OR5W2: variants seen among roughly 807,000 people sequenced by gnomAD.
OR5W2 encodes the protein olfactory receptor family 5 subfamily W member 2.
For missense variants in OR5W2, 444 were observed against 357.1 expected, an observed-to-expected ratio of 1.24 and a Z score of -1.96; for synonymous variants, 164 against 138.2, an observed-to-expected ratio of 1.19 and a Z score of -1.31.
At position 55,914,486 on chromosome 11, in the gene OR5W2, C is replaced by A. The variant is rs759653907; in HGVS notation, c.97G>T (p.Ala33Ser). 1.2e-6 allele frequency: 2 copies of A among 1,612,964 alleles called. No homozygotes were observed. ...MKVTLFAVFL[A>S]VYIINFSANL... ...GCTGAGAAATTAATGATATAAACAG[C>A]CAAGAATACAGCAAATAGGGTCACT... is the stretch of plus-strand genomic sequence containing the variant. Residue 33 changes from alanine to serine, a missense_variant, in exon 1 of 1, where the codon GCT (alanine) becomes TCT (serine). Physicochemically the swap from Ala to Ser is moderately conservative, Grantham distance 99. Coordinates refer to ENST00000344514, the MANE Select transcript of OR5W2 (RefSeq NM_001001960.1).
chr11:55,913,728 CA>C lies in OR5W2; in HGVS notation c.854del (p.Leu285Ter). 1.2e-6 allele frequency: 2 copies of C among 1,613,904 alleles called. No individual in the cohort carries two copies. The highest frequency in any genetic ancestry group is 1.7e-6 in the Non-Finnish European group (2 of 1,179,906). On this transcript the variant is annotated frameshift_variant, in exon 1 of 1. Coordinates refer to ENST00000344514, the MANE Select transcript of OR5W2 (RefSeq NM_001001960.1). LOFTEE classifies it low-confidence loss of function (END_TRUNC). The stretch of plus-strand genomic sequence containing the variant: ...TCCTCAGGCTATAAATCAGGGGGTT[CA>C]ACATGGGAACCACAAGGGTGTAAAA... ...SLFYTLVVPMLNPLIYSLRNK... is the reference protein window; with the variant it reads ...SLFYTLVVPMXNPLIYSLRNK...
Position 55,913,801 on chromosome 11 carries a change from C to A in OR5W2, c.782G>T (p.Arg261Leu), listed in dbSNP as rs202102548. Residue 261 changes from arginine to leucine, a missense_variant, in exon 1 of 1, where the codon CGG (arginine) becomes CTG (leucine). By Grantham distance (102) the Arg-to-Leu change is moderately radical (BLOSUM62 -2). Transcript: ENST00000344514. ...FQGTLLFMYFRPSSSYSLDQD... is the reference protein window; with the variant it reads ...FQGTLLFMYFLPSSSYSLDQD... ...ATCTAGAGAATAGGAAGAACTTGGC[C>A]GGAAATACATAAAGAGCAGAGTTCC... is the stretch of plus-strand genomic sequence containing the variant. The A allele has an allele frequency of 1.2e-6, 2 of 1,613,832 alleles. No individual in the cohort carries two copies. The highest frequency in any genetic ancestry group is 2.2e-5 in the South Asian group (2 of 91,068).
chr11:55,914,003 C>G lies in OR5W2; in HGVS notation c.580G>C (p.Val194Leu). The change falls in exon 1 of 1, where the codon GTC becomes CTC. Residue 194 changes from valine to leucine, a missense_variant. By Grantham distance (32) the Val-to-Leu change is conservative. Transcript: ENST00000344514. ...LLLLSRSDTQ[V>L]NELVLFTVFG... is the part of the protein sequence containing the mutation. ...ACGGTGAATAACACTAACTCATTGA[C>G]CTGTGTATCTGAGCGAGAGAGTAAT... The G allele has an allele frequency of 6.2e-7, 1 of 1,613,098 alleles. No homozygotes were observed. The highest frequency in any genetic ancestry group is 8.5e-7 in the Non-Finnish European group (1 of 1,179,108).
Position 55,914,123 on chromosome 11 carries a change from C to A in OR5W2, c.460G>T (p.Ala154Ser), listed in dbSNP as rs771931164. 5 of 1,613,330 alleles carry A rather than the reference C, an allele frequency of 3.1e-6. No homozygotes were observed. The East Asian group carries it at 1.1e-4, about 36-fold the overall frequency. The change falls in exon 1 of 1, where the codon GCA (alanine) becomes TCA (serine). Residue 154 changes from alanine (A) to serine (S), a missense_variant. By Grantham distance (99) the Ala-to-Ser change is moderately conservative. Coordinates refer to ENST00000344514, the MANE Select transcript of OR5W2 (RefSeq NM_001001960.1). ...AGTGTCATATGTATCAAAGCATCTG[C>A]TATTCCCACCAGATAAACCCCAGTC... ...LLTGVYLVGIADALIHMTLAF... is the reference protein window; with the variant it reads ...LLTGVYLVGISDALIHMTLAF...
In OR5W2 at chr11:55,914,335, A is replaced by G. The variant is rs1404979788; in HGVS notation, c.248T>C (p.Val83Ala). Residue 83 changes from valine (V) to alanine (A), a missense_variant, in exon 1 of 1, where the codon GTA becomes GCA. By Grantham distance (64) the Val-to-Ala change is moderately conservative. Coordinates refer to ENST00000344514, the MANE Select transcript of OR5W2 (RefSeq NM_001001960.1). ...YSTATGPKMLVDLLAKNKSIP... is the reference protein window; with the variant it reads ...YSTATGPKMLADLLAKNKSIP... ...TGACTTGTTCTTGGCAAGTAGATCT[A>G]CCAGCATCTTGGGCCCAGTTGCAGT... 1 of 1,614,154 alleles carries G rather than the reference A, an allele frequency of 6.2e-7. No individual in the cohort carries two copies. The highest frequency in any genetic ancestry group is 1.7e-5 in the Admixed American group (1 of 60,026).
At position 55,913,917 on chromosome 11, in the gene OR5W2, G is replaced by C. The variant is rs1357794910; in HGVS notation, c.666C>G (p.Ile222Met). The change falls in exon 1 of 1, where the codon ATC (isoleucine) becomes ATG (methionine). Residue 222 changes from isoleucine (I) to methionine (M), a missense_variant. Transcript: ENST00000344514. ...SGVFISYCYIILSVLEIHSAE... is the reference protein window; with the variant it reads ...SGVFISYCYIMLSVLEIHSAE... ...CAGAGTGTATCTCCAAGACTGATAG[G>C]ATGATATAACAATAAGAAATGAAAA... The C allele has an allele frequency of 6.2e-7, 1 of 1,613,872 alleles. No individual in the cohort carries two copies. The highest frequency in any genetic ancestry group is 8.5e-7 in the Non-Finnish European group (1 of 1,179,818).
rs755394856 is a variant in OR5W2 at position 55,914,040 on chromosome 11, G to C, written c.543C>G (p.Ile181Met). 1.9e-6 allele frequency: 3 copies of C among 1,613,454 alleles called. No individual in the cohort carries two copies. The highest frequency in any genetic ancestry group is 2.5e-6 in the Non-Finnish European group (3 of 1,179,510). Reference protein sequence around the residue: ...SNEINHFFCDIPPLLLLSRSD... With the variant: ...SNEINHFFCDMPPLLLLSRSD... The stretch of plus-strand genomic sequence containing the variant: ...AGCGAGAGAGTAATAAGAGAGGAGG[G>C]ATATCACAGAAGAAATGATTAATCT... The change falls in exon 1 of 1, where the codon ATC becomes ATG. Residue 181 changes from isoleucine (I) to methionine (M), a missense_variant. Coordinates refer to ENST00000344514, the MANE Select transcript of OR5W2 (RefSeq NM_001001960.1).
Position 55,913,817 on chromosome 11 carries a change from G to T in OR5W2, c.766C>A (p.Leu256Ile). ...GAACTTGGCCGGAAATACATAAAGA[G>T]CAGAGTTCCCTGGAAAATTGCAACC... is the stretch of plus-strand genomic sequence containing the variant. Reference protein sequence around the residue: ...SAVAIFQGTLLFMYFRPSSSY... With the variant: ...SAVAIFQGTLIFMYFRPSSSY... The change falls in exon 1 of 1, where the codon CTC becomes ATC. Residue 256 changes from leucine (L) to isoleucine (I), a missense_variant. Coordinates refer to ENST00000344514, the MANE Select transcript of OR5W2 (RefSeq NM_001001960.1). The T allele has an allele frequency of 6.2e-7, 1 of 1,614,102 alleles. No individual in the cohort carries two copies. Among genetic ancestry groups the T allele is most frequent in the South Asian group, 1.1e-5 (1 of 91,082 alleles).
chr11:55,914,057 G>C lies in OR5W2; in HGVS notation c.526C>G (p.His176Asp). 2 of 1,613,902 alleles carry C rather than the reference G, an allele frequency of 1.2e-6. No homozygotes were observed. The highest frequency in any genetic ancestry group is 3.3e-5 in the Admixed American group (2 of 60,020). Residue 176 changes from histidine to aspartate, a missense_variant, in exon 1 of 1, where the codon CAT becomes GAT. Physicochemically the swap from His to Asp is moderately conservative, Grantham distance 81. Transcript: ENST00000344514. ...AGAGGAGGGATATCACAGAAGAAATGATTAATCTCATTAGACCCACAGAAG... is the reference window on the plus strand; with the variant it reads ...AGAGGAGGGATATCACAGAAGAAATCATTAATCTCATTAGACCCACAGAAG... Reference protein sequence around the residue: ...LCFCGSNEINHFFCDIPPLLL... With the variant: ...LCFCGSNEINDFFCDIPPLLL...
In OR5W2 at chr11:55,914,022, G is replaced by A; in HGVS notation, c.561C>T (p.Leu187=). The A allele has an allele frequency of 3.7e-6, 6 of 1,613,236 alleles. No homozygotes were observed. Among genetic ancestry groups the A allele is most frequent in the Non-Finnish European group, 5.1e-6 (6 of 1,179,212 alleles). The change falls in exon 1 of 1, where the codon CTC becomes CTT. Residue 187 remains leucine, a synonymous_variant. Coordinates refer to ENST00000344514, the MANE Select transcript of OR5W2 (RefSeq NM_001001960.1). ...CATTGACCTGTGTATCTGAGCGAGA[G>A]AGTAATAAGAGAGGAGGGATATCAC... ...FFCDIPPLLL[L]SRSDTQVNEL... is the part of the protein sequence containing the mutation.
Position 55,913,688 on chromosome 11 carries a change from C to G in OR5W2, c.895G>C (p.Glu299Gln). 6.2e-7 allele frequency: 1 copy of G among 1,600,196 alleles called. No homozygotes were observed. The highest frequency in any genetic ancestry group is 8.5e-7 in the Non-Finnish European group (1 of 1,175,980). ...IYSLRNKDVKEALKKLKNKIL... is the reference protein window; with the variant it reads ...IYSLRNKDVKQALKKLKNKIL... ...TTATTTTTCAGTTTTTTCAGGGCCT[C>G]TTTCACATCCTTGTTCCTCAGGCTA... is the stretch of plus-strand genomic sequence containing the variant. The change falls in exon 1 of 1, where the codon GAG (glutamate) becomes CAG (glutamine). Residue 299 changes from glutamate (E) to glutamine (Q), a missense_variant. Physicochemically the swap from Glu to Gln is conservative, Grantham distance 29 (BLOSUM62 2). Coordinates refer to ENST00000344514, the MANE Select transcript of OR5W2 (RefSeq NM_001001960.1).
rs916317567 is a variant in OR5W2, at chr11:55,914,184, T to C, written c.399A>G (p.Thr133=). The C allele has an allele frequency of 2.5e-6, 4 of 1,614,100 alleles. No homozygotes were observed. The highest frequency in any genetic ancestry group is 1.7e-5 in the Admixed American group (1 of 60,030). ...AGCACACTCTGCTAGACATGTTGACTGTATAGAGCAGGGGGTTGATGATGG... is the reference window on the plus strand; with the variant it reads ...AGCACACTCTGCTAGACATGTTGACCGTATAGAGCAGGGGGTTGATGATGG... ...YKAIINPLLY[T]VNMSSRVCYL... is the part of the protein sequence containing the mutation. The change falls in exon 1 of 1, where the codon ACA becomes ACG. Residue 133 remains threonine (T), a synonymous_variant. Transcript: ENST00000344514.
chr11:55,914,411 G>A lies in OR5W2; in HGVS notation c.172C>T (p.Pro58Ser). 1.2e-6 allele frequency: 2 copies of A among 1,613,844 alleles called. No homozygotes were observed. Among genetic ancestry groups the A allele is most frequent in the Non-Finnish European group, 1.7e-6 (2 of 1,179,718 alleles). Residue 58 changes from proline to serine, a missense_variant, in exon 1 of 1, where the codon CCA becomes TCA. Coordinates refer to ENST00000344514, the MANE Select transcript of OR5W2 (RefSeq NM_001001960.1). ...AGATGACTGAGGAAGAAATACATTG[G>A]TGTGTGAAGTTGGTAATCCATTCTG... ...LIRMDYQLHT[P>S]MYFFLSHLSF... is the part of the protein sequence containing the mutation.
At position 55,913,681 on chromosome 11, in the gene OR5W2, A is replaced by C; in HGVS notation, c.902T>G (p.Leu301Arg). 1 of 1,588,270 alleles carries C rather than the reference A, an allele frequency of 6.3e-7. No individual in the cohort carries two copies. Among genetic ancestry groups the C allele is most frequent in the Non-Finnish European group, 8.5e-7 (1 of 1,171,364 alleles). The change falls in exon 1 of 1, where the codon CTG becomes CGG. Residue 301 changes from leucine to arginine, a missense_variant. Physicochemically the swap from Leu to Arg is moderately radical, Grantham distance 102. Transcript: ENST00000344514. ...TAAAATTTTATTTTTCAGTTTTTTC[A>C]GGGCCTCTTTCACATCCTTGTTCCT... is the stretch of plus-strand genomic sequence containing the variant. ...SLRNKDVKEA[L>R]KKLKNKILF
chr11:55,914,032 A>G lies in OR5W2; in HGVS notation c.551T>C (p.Leu184Pro), dbSNP rs761443675. The G allele has an allele frequency of 1.8e-5, 29 of 1,613,700 alleles. No homozygotes were observed. The highest frequency in any genetic ancestry group is 2.5e-5 in the Non-Finnish European group (29 of 1,179,584). The change falls in exon 1 of 1, where the codon CTC (leucine) becomes CCC (proline). Residue 184 changes from leucine (L) to proline (P), a missense_variant. Transcript: ENST00000344514. ...INHFFCDIPP[L>P]LLLSRSDTQV... ...TGTATCTGAGCGAGAGAGTAATAAG[A>G]GAGGAGGGATATCACAGAAGAAATG...
chr11:55,914,353 G>T lies in OR5W2; in HGVS notation c.230C>A (p.Thr77Asn). Residue 77 changes from threonine (T) to asparagine (N), a missense_variant, in exon 1 of 1, where the codon ACT (threonine) becomes AAT (asparagine). Transcript: ENST00000344514. ...SFCDLCYSTA[T>N]GPKMLVDLLA... ...TAGATCTACCAGCATCTTGGGCCCA[G>T]TTGCAGTAGAATAGCAGAGATCACA... 1 of 1,613,970 alleles carries T rather than the reference G, an allele frequency of 6.2e-7. No homozygotes were observed. Among genetic ancestry groups the T allele is most frequent in the Non-Finnish European group, 8.5e-7 (1 of 1,179,828 alleles).
In OR5W2 at chr11:55,914,026, A is replaced by G. The variant is rs753479643; in HGVS notation, c.557T>C (p.Leu186Ser). ...HFFCDIPPLL[L>S]LSRSDTQVNE... ...GACCTGTGTATCTGAGCGAGAGAGT[A>G]ATAAGAGAGGAGGGATATCACAGAA... The change falls in exon 1 of 1, where the codon TTA (leucine) becomes TCA (serine). Residue 186 changes from leucine to serine, a missense_variant. Transcript: ENST00000344514. The G allele has an allele frequency of 1.9e-6, 3 of 1,613,554 alleles. No individual in the cohort carries two copies. Among genetic ancestry groups the G allele is most frequent in the South Asian group, 1.1e-5 (1 of 91,068 alleles).
rs770619046 is a variant in OR5W2, at chr11:55,914,260, G to A, written c.323C>T (p.Ala108Val). The change falls in exon 1 of 1, where the codon GCA becomes GTA. Residue 108 changes from alanine to valine, a missense_variant. Coordinates refer to ENST00000344514, the MANE Select transcript of OR5W2 (RefSeq NM_001001960.1). The part of the protein sequence containing the change: ...ALQFLVFCIF[A>V]DSECLLLSVM... ...TGACAGCAGTAGACACTCAGAATCT[G>A]CAAAGATACAGAAGACCAAGAATTG... The A allele has an allele frequency of 1.2e-6, 2 of 1,613,984 alleles. No homozygotes were observed. The highest frequency in any genetic ancestry group is 2.2e-5 in the East Asian group (1 of 44,864).
rs765369503 is a variant in OR5W2 at position 55,914,200 on chromosome 11, T to A, written c.383A>T (p.Asn128Ile). The change falls in exon 1 of 1, where the codon AAC becomes ATC. Residue 128 changes from asparagine (N) to isoleucine (I), a missense_variant. Transcript: ENST00000344514. The stretch of plus-strand genomic sequence containing the variant: ...CATGTTGACTGTATAGAGCAGGGGG[T>A]TGATGATGGCCTTGTACCGATCAAA... ...MAFDRYKAII[N>I]PLLYTVNMSS... 1.2e-6 allele frequency: 2 copies of A among 1,613,936 alleles called. No individual in the cohort carries two copies. The highest frequency in any genetic ancestry group is 2.2e-5 in the East Asian group (1 of 44,884).
Sources: gnomAD v4.1 joint callset for allele counts on GRCh38, gnomAD v4.1.1 for gene constraint, MANE v1.5 for transcripts, NCBI Gene and HGNC (gene_info 2026-07-23, HGNC 2026-07-21) for gene names.